Variants in PROM1 observed in about 807,000 individuals in gnomAD.
PROM1 encodes the protein prominin-1.
Under a neutral mutation model 116.9 loss-of-function variants are expected in PROM1, and 105 were observed. The ratio of observed to expected loss-of-function variants is 0.90; its 90% CI spans 0.77 to 1.06. PROM1 has a LOEUF of 1.06. PROM1 is among the 50% of genes least tolerant of loss of function. The probability of loss-of-function intolerance (pLI) is 0.00; values close to 1 mark genes in which losing one functional copy is unlikely to be tolerated. For synonymous variants in PROM1, 393 were observed against 387.0 expected, an observed-to-expected ratio of 1.02 and a Z score of -0.18; for missense variants, 1,122 against 1,045.2, an observed-to-expected ratio of 1.07 and a Z score of -1.01.
intron 3 of PROM1, 44 bp from the exon 4 acceptor site, chr4:16,035,805 T>C (rs763407423): frequency 2.5e-6 from 4 of 1,586,324 alleles, no homozygotes; most frequent in Admixed American, 3.3e-5. Flanking sequence ...AGAGGCAGCA[T>C]GCATCAAGAA....
At chr4:16,065,109 A>C (rs970245395) in intron 2 of PROM1, among the ~76,000 whole-genome samples, 2 of 152,118 alleles carry the variant, frequency 1.3e-5, no homozygotes, top group Admixed American at 6.5e-5. Context: ...GGCCTCCTTC[A>C]TGTTGCTTTG....
intron 18 of PROM1, among the ~76,000 whole-genome samples, chr4:15,990,639 G>A (rs1270744939): frequency 6.6e-6 from 1 of 152,138 alleles, no homozygotes; most frequent in Non-Finnish European, 1.5e-5. Context: ...AGGGTGGAAG[G>A]CTGCAGTCAT....
At chr4:15,970,943 A>T (rs1392319212) in intron 27 of PROM1, 100 bp downstream of exon 27, 2 of 940,552 alleles carry the variant, frequency 2.1e-6, no homozygotes, top group East Asian at 5.3e-5. Flanking sequence ...TAGATTTCCC[A>T]CTTAATGTGG....
intron 2 of PROM1, among the ~76,000 whole-genome samples, chr4:16,057,459 C>T (rs534475010): frequency 2.0e-5 from 3 of 152,298 alleles, no homozygotes; most frequent in East Asian, 1.9e-4. Flanking sequence ...AAGTAATCAA[C>T]GCTAAGGAAA....
chr4:16,078,141 G>A (rs767433726), intron 1 of PROM1: 1 of 152,346 alleles, frequency 6.6e-6, no homozygotes, highest in African/African-American at 2.4e-5. Flanking sequence ...CCTAAAAGCA[G>A]CTGTGGCTCC....
intron 3 of PROM1, 24 bp downstream of exon 3, chr4:16,038,922 A>G: frequency 6.9e-7 from 1 of 1,457,654 alleles, no homozygotes; most frequent in Non-Finnish European, 9.1e-7. Flanking sequence ...ATTTTTAATA[A>G]TAAATACACC....
At chr4:15,983,534 G>T (rs1718501412) in intron 23 of PROM1, among the ~76,000 whole-genome samples, 1 of 152,172 alleles carries the variant, frequency 6.6e-6, no homozygotes, top group Non-Finnish European at 1.5e-5. Flanking sequence ...AAAGAGAAAG[G>T]CGGCGTGTGC....
chr4:16,004,905 C>CCCTTCCTT (rs147785330), intron 13 of PROM1, among the ~76,000 whole-genome samples: 2 of 114,410 alleles, frequency 1.7e-5, no homozygotes, highest in Non-Finnish European at 3.6e-5. Context: ...CTCTCTCTCT[C>CCCTTCCTT]CCTTCCTTCC....
intron 1 of PROM1, chr4:16,082,461 G>C (rs1745216196): frequency 6.6e-6 from 1 of 152,136 alleles, no homozygotes; most frequent in African/African-American, 2.4e-5. Context: ...TCGCCTTAGC[G>C]GGCTCCAGGA....
intron 2 of PROM1, among the ~76,000 whole-genome samples, chr4:16,066,915 T>A (rs1741668985): frequency 6.6e-6 from 1 of 152,118 alleles, no homozygotes; most frequent in South Asian, 2.1e-4. Context: ...CCCGCCTCGA[T>A]TATTTATGTA....
intron 26 of PROM1, among the ~76,000 whole-genome samples, chr4:15,972,466 C>T (rs150755580): frequency 3.0e-4 from 46 of 152,228 alleles, no homozygotes; most frequent in Non-Finnish European, 5.1e-4. Context: ...TTATCAGGAG[C>T]CCACTCCCAT....
chr4:16,044,521 C>G (rs186618183), intron 2 of PROM1, among the ~76,000 whole-genome samples: 14 of 152,226 alleles, frequency 9.2e-5, no homozygotes, highest in Non-Finnish European at 1.5e-4. Flanking sequence ...CTTTGGTGGC[C>G]CCATCTTAAA....
intron 2 of PROM1, among the ~76,000 whole-genome samples, chr4:16,041,234 C>A (rs1223423163): frequency 6.6e-6 from 1 of 152,214 alleles, no homozygotes; most frequent in African/African-American, 2.4e-5. Context: ...TATTCTTTGC[C>A]ATCAGGCACT....
At position 16,076,091 on chromosome 4, in the gene PROM1, A is replaced by AG; in HGVS notation, c.-186dup. On this transcript the variant is annotated 5_prime_UTR_variant, in exon 2 of 28. The change creates a premature stop within an existing upstream ORF in the 5' untranslated region. Transcript: ENST00000447510. ...GAGGGATGCGGAAGAATGTTCTCCAAGGGGGTCATTCACTCAAGGCACCAT... is the reference window on the plus strand; with the variant it reads ...GAGGGATGCGGAAGAATGTTCTCCAAGGGGGGTCATTCACTCAAGGCACCAT... 1.6e-6 allele frequency: 2 copies of AG among 1,264,700 alleles called. No homozygotes were observed. Among genetic ancestry groups the AG allele is most frequent in the Non-Finnish European group, 2.1e-6 (2 of 951,526 alleles). The allele number at this position is 1,264,700 out of a possible 1,614,324, so 78.3% of individuals were successfully genotyped here.
intron 6 of PROM1, 36 bp downstream of exon 6, chr4:16,025,156 T>C (rs1391811713): frequency 6.3e-7 from 1 of 1,591,298 alleles, no homozygotes; most frequent in Non-Finnish European, 8.6e-7. Context: ...ACCAAAAATA[T>C]AAAGCATCGC....
At chr4:16,080,909 G>T (rs190125735) in intron 1 of PROM1, among the ~76,000 whole-genome samples, 1 of 152,266 alleles carries the variant, frequency 6.6e-6, no homozygotes, top group Admixed American at 6.5e-5. Context: ...TGTTCTGGCA[G>T]CCGCAGCCAC....
At chr4:15,974,290 A>G (rs1177302570) in intron 26 of PROM1, among the ~76,000 whole-genome samples, 1 of 152,162 alleles carries the variant, frequency 6.6e-6, no homozygotes, top group Non-Finnish European at 1.5e-5. Context: ...GGGAGACAGA[A>G]GCATCGTTGG....
intron 2 of PROM1, among the ~76,000 whole-genome samples, chr4:16,049,068 T>A (rs76306181): frequency 6.6e-6 from 1 of 152,160 alleles, no homozygotes; most frequent in African/African-American, 2.4e-5. Context: ...ATGGGCCGGG[T>A]TCCTGTGCTG....
chr4:16,073,543 C>G (rs545488318), intron 2 of PROM1, among the ~76,000 whole-genome samples: 1 of 152,220 alleles, frequency 6.6e-6, no homozygotes, highest in East Asian at 1.9e-4. Flanking sequence ...TGGAAGAAAA[C>G]CAACACCCCA....
Sources: gnomAD v4.1 joint callset for allele counts (sites outside exome capture counted in the v4.1 genomes callset) on GRCh38, gnomAD v4.1.1 for gene constraint, MANE v1.5 for transcripts, NCBI Gene and HGNC (gene_info 2026-07-23, HGNC 2026-07-21) for gene names.